Variants in PDE4D observed in about 807,000 individuals in gnomAD.
PDE4D encodes the protein 3',5'-cyclic-AMP phosphodiesterase 4D.
In PDE4D, 24 loss-of-function variants were observed where a neutral mutation model predicts 87.4. The ratio of observed to expected loss-of-function variants is 0.27; its 90% CI spans 0.20 to 0.39. The LOEUF (loss-of-function observed/expected upper bound fraction) is 0.39. Among genes scored for constraint, PDE4D ranks in the 10% least tolerant of loss-of-function variants. PDE4D has a pLI of 1.00. For missense variants in PDE4D, 714 were observed against 1,041.0 expected (o/e 0.69, Z 4.32); for synonymous variants, 384 against 383.2 (o/e 1.00, Z -0.02).
intron 1 of PDE4D, among the ~76,000 whole-genome samples, chr5:59,512,112 A>G (rs961596030): frequency 5.9e-5 from 9 of 152,248 alleles, no homozygotes; most frequent in African/African-American, 1.9e-4. Flanking sequence ...AAAATGTCTC[A>G]ACTGTTAATG....
At chr5:60,304,236 A>G (rs1446144524) in intron 1 of PDE4D, 1 of 142,942 alleles carries the variant, frequency 7.0e-6, no homozygotes, top group Non-Finnish European at 1.5e-5. Flanking sequence ...TCTTTCTCCC[A>G]CCATTCCAGC....
At chr5:60,025,350 CTCCAGCAACTAATGATTTTATTTAT>C (rs1766515659) in intron 2 of PDE4D, among the ~76,000 whole-genome samples, 1 of 152,162 alleles carries the variant, frequency 6.6e-6, no homozygotes, top group South Asian at 2.1e-4. Flanking sequence ...CCCCCGACTA[CTCCAGCAACTAATGATTTTATTTAT>C]TCATCCCAAA....
At chr5:59,426,401 C>T (rs1795210937) in intron 1 of PDE4D, among the ~76,000 whole-genome samples, 1 of 152,120 alleles carries the variant, frequency 6.6e-6, no homozygotes, top group South Asian at 2.1e-4. Flanking sequence ...TTACTGTATT[C>T]CTTCCTGTCT....
chr5:60,403,920 A>T (rs1741302684), intron 1 of PDE4D, among the ~76,000 whole-genome samples: 7 of 152,196 alleles, frequency 4.6e-5, no homozygotes, highest in Admixed American at 4.6e-4. Flanking sequence ...GTTTCATAAA[A>T]CTTTTGTTTA....
rs147658863 is a variant in PDE4D at position 59,883,025 on chromosome 5, C to T, written c.455+10143G>A. Among the ~76,000 whole-genome samples the T allele has an allele frequency of 3.6e-3, 542 of 152,204 alleles. 2 individuals are homozygous for T. Among genetic ancestry groups the T allele is most frequent in the Middle Eastern group, 0.01 (3 of 294 alleles). On this transcript the variant is annotated intron_variant, in intron 1 of 14. Coordinates refer to ENST00000340635, the MANE Select transcript of PDE4D (RefSeq NM_001104631.2). ...AATTCCTGGCCTCAAGTGATCTGCC[C>T]GTCTTGGCCTCCCAAAGTGTTGGGA...
chr5:59,532,853 C>T (rs1013572867), intron 1 of PDE4D, among the ~76,000 whole-genome samples: 2 of 152,064 alleles, frequency 1.3e-5, no homozygotes, highest in Non-Finnish European at 2.9e-5. Context: ...ATGATTGGAC[C>T]ATCTGAGAAG....
chr5:59,999,547 C>CAA (rs1382966539), intron 2 of PDE4D, among the ~76,000 whole-genome samples: 8 of 123,820 alleles, frequency 6.5e-5, no homozygotes, highest in African/African-American at 2.9e-4. Context: ...AAAAACAAAA[C>CAA]AAAACTGGAG....
At chr5:60,052,403 T>C (rs10471473) in intron 2 of PDE4D, among the ~76,000 whole-genome samples, 71,831 of 152,078 alleles carry the variant, frequency 0.47, 17,894 homozygotes, top group Admixed American at 0.55. Flanking sequence ...TCATTAAACA[T>C]AACCCATCAC....
Position 59,357,305 on chromosome 5 carries a change from A to G in PDE4D, c.456-141337T>C, listed in dbSNP as rs538088337. On this transcript the variant is annotated intron_variant, in intron 1 of 14. Transcript: ENST00000340635. ...AGGGCTTCGTTAAAAAATTTTAAAA[A>G]ATACATGCCTATGACTGGGTCATCT... Among the ~76,000 whole-genome samples the G allele has an allele frequency of 1.1e-4, 16 of 152,328 alleles. No individual in the cohort carries two copies. The South Asian group carries it at 3.3e-3, about 32-fold the overall frequency.
rs894087993 is a variant in PDE4D, at chr5:59,142,784, G to T, written c.808+37811C>A. ...TACAACAAATTAGCCAGGCGTGGTGGCACACGCCTGTAGTCCCAGCTACTC... is the reference window on the plus strand; with the variant it reads ...TACAACAAATTAGCCAGGCGTGGTGTCACACGCCTGTAGTCCCAGCTACTC... On this transcript the variant is annotated intron_variant, in intron 5 of 14. Coordinates refer to ENST00000340635, the MANE Select transcript of PDE4D (RefSeq NM_001104631.2). Among the ~76,000 whole-genome samples, 7 of 152,140 alleles carry T rather than the reference G, an allele frequency of 4.6e-5. No homozygotes were observed. In the East Asian group the frequency reaches 1.4e-3, roughly 29 times the overall value.
intron 1 of PDE4D, among the ~76,000 whole-genome samples, chr5:59,389,987 G>C (rs754495249): frequency 3.9e-5 from 6 of 152,110 alleles, no homozygotes; most frequent in Non-Finnish European, 5.9e-5. Flanking sequence ...AAAATATCTG[G>C]AAGAGCTGAA....
intron 3 of PDE4D, among the ~76,000 whole-genome samples, chr5:59,982,250 A>G (rs890161329): frequency 1.3e-5 from 2 of 152,168 alleles, no homozygotes; most frequent in African/African-American, 4.8e-5. Flanking sequence ...TGTTTGTAAC[A>G]TTCTCCACCC....
At chr5:60,194,978 T>C (rs1741037570) in intron 1 of PDE4D, among the ~76,000 whole-genome samples, 2 of 151,676 alleles carry the variant, frequency 1.3e-5, no homozygotes, top group African/African-American at 4.8e-5. Context: ...CCACACAGCA[T>C]TGTTTCACTC....
At chr5:59,156,654 T>G (rs751957961) in intron 5 of PDE4D, among the ~76,000 whole-genome samples, 11 of 152,070 alleles carry the variant, frequency 7.2e-5, no homozygotes, top group Non-Finnish European at 1.6e-4. Flanking sequence ...AGCCCTGGAC[T>G]GCTCACTCTG....
At chr5:59,762,457 T>TATATGTGTATATGGGTACAC (rs1762179839) in intron 1 of PDE4D, among the ~76,000 whole-genome samples, 1 of 127,650 alleles carries the variant, frequency 7.8e-6, no homozygotes, top group Admixed American at 7.8e-5. Context: ...CACATATGTG[T>TATATGTGTATATGGGTACAC]ATATGTGTAT....
intron 1 of PDE4D, among the ~76,000 whole-genome samples, chr5:60,332,928 C>A (rs753320261): frequency 5.1e-4 from 78 of 152,102 alleles, no homozygotes; most frequent in Admixed American, 1.2e-3. Flanking sequence ...ATGCTCTGTG[C>A]CAGGATAATC....
At chr5:60,435,860 T>C (rs1229698764) in intron 1 of PDE4D, among the ~76,000 whole-genome samples, 1 of 152,108 alleles carries the variant, frequency 6.6e-6, no homozygotes, top group Non-Finnish European at 1.5e-5. Context: ...TGTTCTTCCA[T>C]TGCAGACTTT....
At chr5:60,222,245 G>T (rs1253780394) in intron 1 of PDE4D, among the ~76,000 whole-genome samples, 1 of 151,984 alleles carries the variant, frequency 6.6e-6, no homozygotes, top group Non-Finnish European at 1.5e-5. Context: ...AGGAACTGAG[G>T]TCTCTGGCCA....
At chr5:59,845,938 C>A (rs1743778394) in intron 1 of PDE4D, among the ~76,000 whole-genome samples, 1 of 152,044 alleles carries the variant, frequency 6.6e-6, no homozygotes, top group African/African-American at 2.4e-5. Context: ...CTGAGTGACT[C>A]ATCTGGGAGA....
Sources: gnomAD v4.1 joint callset for allele counts (sites outside exome capture counted in the v4.1 genomes callset) on GRCh38, gnomAD v4.1.1 for gene constraint, MANE v1.5 for transcripts, NCBI Gene and HGNC (gene_info 2026-07-23, HGNC 2026-07-21) for gene names.